NCKAP5: variants seen among roughly 807,000 people sequenced by gnomAD.
NCKAP5 encodes nck-associated protein 5.
In NCKAP5, 92 loss-of-function variants were observed where a neutral mutation model predicts 167.0. The observed-to-expected ratio is 0.55, with a 90% confidence interval of 0.47 to 0.66. The LOEUF (loss-of-function observed/expected upper bound fraction) is 0.66, where lower values mean the gene tolerates loss of function less well. Among genes scored for constraint, NCKAP5 ranks in the 30% least tolerant of loss-of-function variants. NCKAP5 has a pLI of 0.00. For missense variants in NCKAP5, 2,378 were observed against 2,315.0 expected (o/e 1.03, Z -0.56); for synonymous variants, 891 against 877.4 (o/e 1.02, Z -0.27).
chr2:133,216,114 A>G (rs1334334171), intron 4 of NCKAP5, among the ~76,000 whole-genome samples: 1 of 152,180 alleles, frequency 6.6e-6, no homozygotes, highest in Non-Finnish European at 1.5e-5. Flanking sequence ...ATAGAAACAT[A>G]TATCACATTC....
chr2:133,122,410 A>G (rs2082278769), intron 6 of NCKAP5: 1 of 152,156 alleles, frequency 6.6e-6, no homozygotes, highest in Non-Finnish European at 1.5e-5. Flanking sequence ...AATCATTGGT[A>G]TTTTTATTGA....
the NCKAP5 span, among the ~76,000 whole-genome samples, chr2:133,607,743 T>C: frequency 6.6e-6 from 1 of 152,236 alleles, no homozygotes; most frequent in Non-Finnish European, 1.5e-5. Context: ...GTGAGATTTC[T>C]AAGCACTTGC....
intron 3 of NCKAP5, among the ~76,000 whole-genome samples, chr2:133,333,577 T>G (rs1192020916): frequency 1.3e-5 from 2 of 152,198 alleles, no homozygotes; most frequent in African/African-American, 2.4e-5. Flanking sequence ...TCTGTCACCT[T>G]GTCAGCCACC....
intron 8 of NCKAP5, among the ~76,000 whole-genome samples, chr2:132,887,008 T>TA (rs1692277945): frequency 6.6e-6 from 1 of 152,232 alleles, no homozygotes; most frequent in Admixed American, 6.5e-5. Context: ...TGGATAAAGA[T>TA]ACTCAATTTG....
chr2:132,796,455 T>C (rs1684612543), intron 12 of NCKAP5, among the ~76,000 whole-genome samples, 173 bp downstream of exon 12: 1 of 152,218 alleles, frequency 6.6e-6, no homozygotes, highest in South Asian at 2.1e-4. Context: ...TTCTGCTTAC[T>C]ATATCAGCTG....
intron 16 of NCKAP5, among the ~76,000 whole-genome samples, chr2:132,732,853 G>A (rs550340621): frequency 2.5e-4 from 38 of 152,252 alleles, no homozygotes; most frequent in Non-Finnish European, 4.3e-4. Flanking sequence ...TAATTCACAC[G>A]CCAGAAGGGT....
At chr2:133,150,603 G>A (rs1299762453) in intron 5 of NCKAP5, among the ~76,000 whole-genome samples, 1 of 152,030 alleles carries the variant, frequency 6.6e-6, no homozygotes, top group African/African-American at 2.4e-5. Flanking sequence ...ATTATTTAGG[G>A]GGAAAAGTAA....
intron 6 of NCKAP5, among the ~76,000 whole-genome samples, chr2:133,080,967 T>C (rs2149591051): frequency 6.6e-6 from 1 of 152,180 alleles, no homozygotes; most frequent in Admixed American, 6.5e-5. Flanking sequence ...CAGAGCAGAC[T>C]GTTCTGGAAT....
chr2:133,163,425 G>A (rs2083878386), intron 5 of NCKAP5, among the ~76,000 whole-genome samples: 2 of 152,192 alleles, frequency 1.3e-5, no homozygotes, highest in South Asian at 2.1e-4. Context: ...GAGGCCCATA[G>A]AAGACGGGAG....
At chr2:133,536,794 CA>C (rs1387710498) in intron 2 of NCKAP5, among the ~76,000 whole-genome samples, 6 of 151,450 alleles carry the variant, frequency 4.0e-5, no homozygotes, top group African/African-American at 1.5e-4. Flanking sequence ...CTTTGAGGCA[CA>C]TTTTTTTTTA....
chr2:133,513,604 A>G (rs1404727775), intron 3 of NCKAP5, among the ~76,000 whole-genome samples: 1 of 152,186 alleles, frequency 6.6e-6, no homozygotes, highest in Non-Finnish European at 1.5e-5. Flanking sequence ...GGAAGTCTTG[A>G]TTACTATAAC....
chr2:133,389,321 G>A (rs1687232704), intron 3 of NCKAP5, among the ~76,000 whole-genome samples: 1 of 152,186 alleles, frequency 6.6e-6, no homozygotes, highest in South Asian at 2.1e-4. Context: ...CCACTCCTCT[G>A]TGTTCAGACA....
intron 6 of NCKAP5, among the ~76,000 whole-genome samples, chr2:133,057,896 C>T (rs968304930): frequency 2.0e-5 from 3 of 152,208 alleles, no homozygotes; most frequent in Non-Finnish European, 2.9e-5. Flanking sequence ...CTGGCTTTAA[C>T]GGCTCAAAGG....
chr2:133,628,766 A>T, the NCKAP5 span, among the ~76,000 whole-genome samples: 7 of 152,208 alleles, frequency 4.6e-5, no homozygotes, highest in Admixed American at 4.6e-4. Context: ...CCAAAACATC[A>T]TTGTGCTGGT....
Position 132,997,022 on chromosome 2 carries a change from A to G in NCKAP5, c.342-2783T>C, listed in dbSNP as rs575300037. On this transcript the variant is annotated intron_variant, in intron 6 of 19. Transcript: ENST00000409261. ...ACACTGGTTGAAGAGAACTGTGAAGAAAAGCAGGCTGATCCAGCTTCTCCC... is the reference window on the plus strand; with the variant it reads ...ACACTGGTTGAAGAGAACTGTGAAGGAAAGCAGGCTGATCCAGCTTCTCCC... 3.3e-5 allele frequency among the ~76,000 whole-genome samples: 5 copies of G among 152,364 alleles called. No individual in the cohort carries two copies. In the South Asian group the frequency reaches 1.0e-3, roughly 32 times the overall value.
At chr2:133,470,982 C>T (rs1368091386) in intron 3 of NCKAP5, among the ~76,000 whole-genome samples, 1 of 152,226 alleles carries the variant, frequency 6.6e-6, no homozygotes, top group Non-Finnish European at 1.5e-5. Context: ...CTGCATCGCT[C>T]ACGCTGGGAG....
intron 6 of NCKAP5, among the ~76,000 whole-genome samples, chr2:133,071,240 A>T (rs1559110253): frequency 6.6e-6 from 1 of 152,220 alleles, no homozygotes; most frequent in African/African-American, 2.4e-5. Flanking sequence ...AGACCAAGAA[A>T]ACTTACAAAA....
the NCKAP5 span, among the ~76,000 whole-genome samples, chr2:133,579,216 A>C: frequency 6.6e-6 from 1 of 152,190 alleles, no homozygotes; most frequent in African/African-American, 2.4e-5. Flanking sequence ...ATTTGCTAAA[A>C]ATTGCACAGC....
intron 9 of NCKAP5, among the ~76,000 whole-genome samples, chr2:132,872,961 G>A (rs1690946356): frequency 1.3e-5 from 2 of 152,088 alleles, no homozygotes; most frequent in African/African-American, 4.8e-5. Context: ...TTGTGAAAAA[G>A]GCATGAGATG....
Sources: allele counts gnomAD v4.1 joint callset (sites outside exome capture counted in the v4.1 genomes callset), GRCh38; gene constraint gnomAD v4.1.1; transcripts MANE v1.5; gene names NCBI Gene and HGNC (gene_info 2026-07-23, HGNC 2026-07-21).